The following SGCZ variants were observed in gnomAD, a reference collection of about 807,000 sequenced individuals.
The protein encoded by SGCZ is zeta-sarcoglycan.
In SGCZ, 40 loss-of-function variants were observed where a neutral mutation model predicts 41.3. The ratio of observed to expected loss-of-function variants is 0.97; its 90% CI spans 0.75 to 1.26. SGCZ has a LOEUF of 1.26. Among genes scored for constraint, SGCZ ranks in the 50% most tolerant of loss-of-function variants. The probability of loss-of-function intolerance (pLI) is 0.00; values close to 1 mark genes in which losing one functional copy is unlikely to be tolerated. For synonymous variants in SGCZ, 206 were observed against 137.5 expected (o/e 1.50, Z -3.49); for missense variants, 552 against 369.8 (o/e 1.49, Z -4.04).
intron 1 of SGCZ, among the ~76,000 whole-genome samples, chr8:14,869,230 C>G (rs919605414): frequency 1.3e-5 from 2 of 152,104 alleles, no homozygotes; most frequent in African/African-American, 4.8e-5. Context: ...CATCAAATAG[C>G]GTATCCACCA....
intron 5 of SGCZ, among the ~76,000 whole-genome samples, chr8:14,155,248 CTCT>C (rs2116961914): frequency 6.6e-6 from 1 of 152,276 alleles, no homozygotes; most frequent in South Asian, 2.1e-4. Context: ...TGTGCTAAAT[CTCT>C]TCAAGTTAAT....
At chr8:14,554,711 T>G in intron 2 of SGCZ, 21 bp downstream of exon 2, 1 of 1,592,660 alleles carries the variant, frequency 6.3e-7, no homozygotes. Context: ...CAATAAGATG[T>G]AAAATCATAG....
At chr8:15,148,315 A>G in intron 1 of SGCZ, among the ~76,000 whole-genome samples, 1 of 152,184 alleles carries the variant, frequency 6.6e-6, no homozygotes, top group East Asian at 1.9e-4. Context: ...GCTATCGGAC[A>G]TCAGGTTCAG....
rs1011249709 is a variant in SGCZ, at chr8:14,800,931, G to C, written c.40-246005C>G. Among the ~76,000 whole-genome samples the C allele has an allele frequency of 1.7e-4, 26 of 152,044 alleles. 1 individual carries two copies. Among genetic ancestry groups the C allele is most frequent in the Admixed American group, 1.5e-3 (23 of 15,284 alleles). On this transcript the variant is annotated intron_variant, in intron 1 of 7. Transcript: ENST00000382080. The stretch of plus-strand genomic sequence containing the variant: ...CAGAAAAAAGATGACAACCATAATG[G>C]TTTTATCTTCTGCACATGTTAGTAT...
intron 4 of SGCZ, among the ~76,000 whole-genome samples, chr8:14,234,735 T>C (rs1806694722): frequency 6.6e-6 from 1 of 152,104 alleles, no homozygotes; most frequent in Non-Finnish European, 1.5e-5. Context: ...CAATTAAAAT[T>C]AGAGTCTTTA....
chr8:14,915,669 G>T (rs1799412897), intron 1 of SGCZ, among the ~76,000 whole-genome samples: 1 of 152,136 alleles, frequency 6.6e-6, no homozygotes. Context: ...CATCATCACT[G>T]ATCAAACCAA....
intron 1 of SGCZ, among the ~76,000 whole-genome samples, chr8:14,717,923 C>T (rs7823661): frequency 0.36 from 54,802 of 150,540 alleles, 11,816 homozygotes; most frequent in African/African-American, 0.6. Context: ...TTTATTTCAT[C>T]CCTCTATGTT....
At chr8:14,504,317 T>C (rs1382976827) in intron 2 of SGCZ, among the ~76,000 whole-genome samples, 2 of 152,198 alleles carry the variant, frequency 1.3e-5, no homozygotes, top group Admixed American at 1.3e-4. Flanking sequence ...ATTCAATCTT[T>C]AATTAATCAG....
At chr8:14,868,648 G>A (rs570757135) in intron 1 of SGCZ, among the ~76,000 whole-genome samples, 1 of 152,104 alleles carries the variant, frequency 6.6e-6, no homozygotes, top group Non-Finnish European at 1.5e-5. Context: ...ATGGGAAAGA[G>A]ACAATTAGAA....
chr8:14,314,592 G>A (rs1273590078), intron 3 of SGCZ, among the ~76,000 whole-genome samples: 1 of 152,024 alleles, frequency 6.6e-6, no homozygotes, highest in Non-Finnish European at 1.5e-5. Flanking sequence ...AAAATGCTTT[G>A]TAAATTGCAA....
intron 2 of SGCZ, among the ~76,000 whole-genome samples, chr8:14,340,986 A>G (rs1195297735): frequency 6.6e-6 from 1 of 151,970 alleles, no homozygotes; most frequent in East Asian, 1.9e-4. Flanking sequence ...TCTACCTTCT[A>G]TTTCTCTGAA....
intron 1 of SGCZ, among the ~76,000 whole-genome samples, chr8:14,808,671 G>T (rs922486104): frequency 1.3e-5 from 2 of 152,086 alleles, no homozygotes; most frequent in African/African-American, 4.8e-5. Flanking sequence ...AGTCAGTGTG[G>T]CGATTCCTCA....
chr8:14,676,226 CT>C (rs1272059025), intron 1 of SGCZ, among the ~76,000 whole-genome samples: 2 of 152,164 alleles, frequency 1.3e-5, no homozygotes, highest in African/African-American at 4.8e-5. Context: ...AATGCCAGAA[CT>C]TTTGGAGGCC....
At chr8:14,820,681 G>GA (rs1379370359) in intron 1 of SGCZ, among the ~76,000 whole-genome samples, 1 of 151,816 alleles carries the variant, frequency 6.6e-6, no homozygotes, top group Non-Finnish European at 1.5e-5. Flanking sequence ...AAGTCAACAA[G>GA]AAAAACTTCA....
intron 1 of SGCZ, among the ~76,000 whole-genome samples, chr8:14,892,798 G>A (rs1405799129): frequency 6.6e-6 from 1 of 152,056 alleles, no homozygotes; most frequent in Non-Finnish European, 1.5e-5. Context: ...CTGGTGGATT[G>A]TACCCATTTC....
intron 1 of SGCZ, among the ~76,000 whole-genome samples, chr8:15,048,760 C>A (rs1174570890): frequency 6.6e-6 from 1 of 152,020 alleles, no homozygotes; most frequent in African/African-American, 2.4e-5. Flanking sequence ...AATCCATATG[C>A]ATTTTTTATA....
At chr8:15,173,976 C>G (rs1313563344) in intron 1 of SGCZ, among the ~76,000 whole-genome samples, 1 of 152,124 alleles carries the variant, frequency 6.6e-6, no homozygotes, top group Admixed American at 6.5e-5. Context: ...TCCACTTCAG[C>G]CTCCCAACGT....
intron 1 of SGCZ, among the ~76,000 whole-genome samples, chr8:14,841,385 A>G (rs970457888): frequency 1.3e-5 from 2 of 152,104 alleles, no homozygotes; most frequent in Admixed American, 1.3e-4. Flanking sequence ...TTCACCTTGC[A>G]TTCAGGGAAA....
chr8:14,911,629 C>T (rs1012144526), intron 1 of SGCZ, among the ~76,000 whole-genome samples: 1 of 151,904 alleles, frequency 6.6e-6, no homozygotes, highest in South Asian at 2.1e-4. Flanking sequence ...TAAAATCTGG[C>T]TGCAGAGTGC....
Sources: gnomAD v4.1 joint callset for allele counts (sites outside exome capture counted in the v4.1 genomes callset) on GRCh38, gnomAD v4.1.1 for gene constraint, MANE v1.5 for transcripts, NCBI Gene and HGNC (gene_info 2026-07-23, HGNC 2026-07-21) for gene names.